The following SS18 variants were observed in gnomAD, a reference collection of about 807,000 sequenced individuals.
The protein encoded by SS18 is SS18 subunit of BAF chromatin remodeling complex.
SS18 carries 28 observed loss-of-function variants against 72.5 expected under a neutral mutation model. The observed-to-expected ratio is 0.39, with a 90% CI of 0.29 to 0.53. SS18 has a LOEUF of 0.53. Ranked by LOEUF, SS18 falls within the 20% of genes least tolerant of loss-of-function variation. The pLI is 0.76. For synonymous variants in SS18, 172 were observed against 164.2 expected (o/e 1.05, Z -0.37); for missense variants, 518 against 535.3 (o/e 0.97, Z 0.32).
intron 4 of SS18, 97 bp downstream of exon 4, chr18:26,057,492 C>T: frequency 1.4e-6 from 2 of 1,424,162 alleles, no homozygotes; most frequent in South Asian, 2.4e-5. Flanking sequence ...GCATTCAAAG[C>T]AGTTTTGTCA....
intron 5 of SS18, among the ~76,000 whole-genome samples, chr18:26,048,126 T>G (rs1016460888): frequency 3.3e-5 from 5 of 152,236 alleles, no homozygotes; most frequent in African/African-American, 1.2e-4. Flanking sequence ...TCACTGGGTA[T>G]GTAGTAAAGT....
intron 7 of SS18, among the ~76,000 whole-genome samples, chr18:26,037,758 T>C (rs1488218509): frequency 6.6e-6 from 1 of 152,114 alleles, no homozygotes; most frequent in East Asian, 1.9e-4. Flanking sequence ...ACAACCCACA[T>C]CATTTTGTAA....
Position 26,023,627 on chromosome 18 carries a change from A to G in SS18, c.1231-5247T>C. 3.8e-6 allele frequency: 2 copies of G among 531,964 alleles called. 1 individual carries two copies. The highest frequency in any genetic ancestry group is 3.1e-5 in the South Asian group (2 of 64,010). 33.0% of individuals were successfully genotyped at this position (531,964 alleles called of 1,614,324 possible). ...GAAAACAAAAACAAACTGTCCACCT[A>G]GAATTCTATACCCAGAGAAAATATC... On this transcript the variant is annotated intron_variant, in intron 10 of 10. Transcript: ENST00000415083.
intron 2 of SS18, among the ~76,000 whole-genome samples, chr18:26,083,349 GCT>G (rs2054562831): frequency 6.6e-6 from 1 of 152,020 alleles, no homozygotes; most frequent in Non-Finnish European, 1.5e-5. Context: ...ACTACCCTTG[GCT>G]CTGTGTGGAG....
intron 10 of SS18, among the ~76,000 whole-genome samples, chr18:26,021,153 C>G (rs1314789369): frequency 6.6e-6 from 1 of 152,156 alleles, no homozygotes; most frequent in Non-Finnish European, 1.5e-5. Flanking sequence ...CAACCATTAA[C>G]AAATTCCAAG....
At chr18:26,027,540 C>G (rs549888802) in intron 10 of SS18, among the ~76,000 whole-genome samples, 34 of 151,520 alleles carry the variant, frequency 2.2e-4, no homozygotes, top group African/African-American at 8.0e-4. Context: ...GGCATGGTAG[C>G]GCACACCTGT....
chr18:26,033,277 G>A (rs1174410550), intron 9 of SS18, among the ~76,000 whole-genome samples: 2 of 152,196 alleles, frequency 1.3e-5, no homozygotes, highest in Non-Finnish European at 2.9e-5. Context: ...ACTCTGGGAG[G>A]CTGAGGTGGG....
chr18:26,035,187 C>T lies in SS18; in HGVS notation c.974-60G>A. 1 of 1,581,116 alleles carries T rather than the reference C, an allele frequency of 6.3e-7. No individual in the cohort carries two copies. The highest frequency in any genetic ancestry group is 1.1e-5 in the South Asian group (1 of 87,434). On this transcript the variant is annotated intron_variant, in intron 8 of 10. Coordinates refer to ENST00000415083, the MANE Select transcript of SS18 (RefSeq NM_001007559.3). This position sits in a 1 kb window ranked among gnomAD's most constrained non-coding sequence, Gnocchi z 4.4. ...AGAAGTCTGCTTAAGTAACTTTTTT[C>T]CCTCTAAGATGCATAGCCAACAACA...
At chr18:26,066,486 G>T (rs1368756965) in intron 3 of SS18, among the ~76,000 whole-genome samples, 1 of 151,924 alleles carries the variant, frequency 6.6e-6, no homozygotes, top group African/African-American at 2.4e-5. Flanking sequence ...CATCTTTCCA[G>T]TTGCCCTTCT....
intron 3 of SS18, among the ~76,000 whole-genome samples, chr18:26,068,938 A>G (rs974735559): frequency 2.6e-5 from 4 of 152,228 alleles, no homozygotes; most frequent in Non-Finnish European, 5.9e-5. Flanking sequence ...TTTCAAACGC[A>G]GTACTCACAA....
At chr18:26,067,918 T>C (rs536403713) in intron 3 of SS18, among the ~76,000 whole-genome samples, 1 of 152,232 alleles carries the variant, frequency 6.6e-6, no homozygotes, top group Admixed American at 6.5e-5. Context: ...ATAAAACTGT[T>C]CCACCTCAGA....
chr18:26,083,137 A>G (rs1486290887), intron 2 of SS18, among the ~76,000 whole-genome samples: 5 of 152,194 alleles, frequency 3.3e-5, no homozygotes, highest in Non-Finnish European at 7.4e-5. Context: ...TAAATCCACC[A>G]AAAACGGCAG....
At position 26,035,883 on chromosome 18, in the gene SS18, T is replaced by A. The variant is rs780804384; in HGVS notation, c.921A>T (p.Glu307Asp). 6.2e-7 allele frequency: 1 copy of A among 1,602,778 alleles called. No individual in the cohort carries two copies. The change falls in exon 8 of 11, where the codon GAA becomes GAT. Residue 307 changes from glutamate (E) to aspartate (D), a missense_variant. Transcript: ENST00000415083. This position sits in a 1 kb window ranked among gnomAD's most constrained non-coding sequence, Gnocchi z 4.4. Reference sequence around the variant, plus strand: ...CCTCATAAGGCCTATCGTAGCCTTGTTCAGGATACGACGGTTGCTGATAAC... The same window carrying A: ...CCTCATAAGGCCTATCGTAGCCTTGATCAGGATACGACGGTTGCTGATAAC... ...DYGYQQPSYP[E>D]QGYDRPYEDS...
intron 3 of SS18, among the ~76,000 whole-genome samples, chr18:26,060,023 T>C (rs1030365864): frequency 6.6e-5 from 10 of 152,364 alleles, no homozygotes; most frequent in Middle Eastern, 3.4e-3. Context: ...AGTTACCATA[T>C]GATCTAGCAA....
chr18:26,028,772 T>C (rs1218520594), intron 10 of SS18, among the ~76,000 whole-genome samples: 1 of 152,122 alleles, frequency 6.6e-6, no homozygotes, highest in South Asian at 2.1e-4. Context: ...AGTGGAGGGA[T>C]TTCAAAGGGG....
Position 26,035,106 on chromosome 18 carries a change from T to C in SS18, c.995A>G (p.Gln332Arg), listed in dbSNP as rs777293577. 7 of 1,613,466 alleles carry C rather than the reference T, an allele frequency of 4.3e-6. No individual in the cohort carries two copies. The East Asian group carries it at 1.1e-4, about 26-fold the overall frequency. ...AGGTGGTCCCTGGTATGCATCTTGC[T>C]GTTGGCCATACTGTGAATTTCCTAC... ...YEGGNSQYGQ[Q>R]QDAYQGPPPQ... is the part of the protein sequence containing the mutation. Residue 332 changes from glutamine (Q) to arginine (R), a missense_variant, in exon 9 of 11, where the codon CAG (glutamine) becomes CGG (arginine). Physicochemically the swap from Gln to Arg is conservative, Grantham distance 43 (BLOSUM62 1). Transcript: ENST00000415083. This position sits in a 1 kb window ranked among gnomAD's most constrained non-coding sequence, Gnocchi z 4.4.
chr18:26,076,879 G>C (rs533058078), intron 3 of SS18, among the ~76,000 whole-genome samples: 1 of 151,916 alleles, frequency 6.6e-6, no homozygotes, highest in South Asian at 2.1e-4. Flanking sequence ...TATTAAAATG[G>C]TAACCTACAC....
At chr18:26,083,299 A>C (rs372560600) in intron 2 of SS18, among the ~76,000 whole-genome samples, 1 of 152,268 alleles carries the variant, frequency 6.6e-6, no homozygotes, top group East Asian at 1.9e-4. Flanking sequence ...TTGCTGACTC[A>C]GTTGGTTCTA....
intron 2 of SS18, among the ~76,000 whole-genome samples, chr18:26,082,680 A>G (rs1217757787): frequency 6.6e-6 from 1 of 152,216 alleles, no homozygotes; most frequent in Non-Finnish European, 1.5e-5. Flanking sequence ...TCCACAAGTG[A>G]TTCAGACCAC....
Sources: gnomAD v4.1 joint callset for allele counts (sites outside exome capture counted in the v4.1 genomes callset) on GRCh38, gnomAD v4.1.1 for gene constraint, Gnocchi (gnomAD v3.1) non-coding constraint, MANE v1.5 for transcripts, NCBI Gene and HGNC (gene_info 2026-07-23, HGNC 2026-07-21) for gene names.